The following CPSF3 variants were observed in gnomAD, a reference collection of about 807,000 sequenced individuals.
The protein encoded by CPSF3 is cleavage and polyadenylation specific factor 3.
Under a neutral mutation model 84.1 loss-of-function variants are expected in CPSF3, and 57 were observed. That is an observed-to-expected ratio of 0.68 (90% CI 0.55 to 0.85). The LOEUF is 0.85. CPSF3 is among the 40% of genes least tolerant of loss of function. The pLI, the probability that CPSF3 is intolerant of heterozygous loss-of-function variation, is 0.00. For synonymous variants in CPSF3, 275 were observed against 278.1 expected, an observed-to-expected ratio of 0.99 and a Z score of 0.11; for missense variants, 522 against 838.8, an observed-to-expected ratio of 0.62 and a Z score of 4.66.
At chr2:9,460,377 C>T (rs1436499441) in intron 15 of CPSF3, among the ~76,000 whole-genome samples, 2 of 151,868 alleles carry the variant, frequency 1.3e-5, no homozygotes, top group African/African-American at 2.4e-5. Flanking sequence ...TGCAGTGAGC[C>T]GAGATCACGC....
At chr2:9,470,942 G>A (rs923309283) in intron 16 of CPSF3, among the ~76,000 whole-genome samples, 4 of 152,182 alleles carry the variant, frequency 2.6e-5, no homozygotes, top group Non-Finnish European at 4.4e-5. Flanking sequence ...GGCTGGGCAT[G>A]GTGACTCCTG....
intron 7 of CPSF3, among the ~76,000 whole-genome samples, chr2:9,439,566 G>A (rs1195522986): frequency 6.6e-6 from 1 of 152,060 alleles, no homozygotes; most frequent in Non-Finnish European, 1.5e-5. Context: ...AATAAAGGGT[G>A]TCTTTCAGCC....
chr2:9,438,737 A>G (rs1680870066), intron 7 of CPSF3, among the ~76,000 whole-genome samples: 1 of 152,092 alleles, frequency 6.6e-6, no homozygotes, highest in African/African-American at 2.4e-5. Context: ...TTCTTATACT[A>G]AAAATCTTTT....
Position 9,443,656 on chromosome 2 carries a change from C to T in CPSF3, c.1237C>T (p.His413Tyr). 1.2e-6 allele frequency: 2 copies of T among 1,613,888 alleles called. No homozygotes were observed. Among genetic ancestry groups the T allele is most frequent in the Non-Finnish European group, 1.7e-6 (2 of 1,179,940 alleles). Residue 413 changes from histidine to tyrosine, a missense_variant, in exon 10 of 18, where the codon CAT becomes TAT. By Grantham distance (83) the His-to-Tyr change is moderately conservative. This residue lies in a region of CPSF3 where 329 missense variants were observed against 607.2 expected (regional missense o/e 0.54). Coordinates refer to ENST00000238112, the MANE Select transcript of CPSF3 (RefSeq NM_016207.4). ...ATTTATTCGTGCTTTGAAACCGCCTCATGTGGTTAGTCTATGAATTTCATT... is the reference window on the plus strand; with the variant it reads ...ATTTATTCGTGCTTTGAAACCGCCTTATGTGGTTAGTCTATGAATTTCATT... ...SEFIRALKPPHVILVHGEQNE... is the reference protein window; with the variant it reads ...SEFIRALKPPYVILVHGEQNE...
At chr2:9,457,641 G>T (rs139351673) in intron 14 of CPSF3, among the ~76,000 whole-genome samples, 1 of 152,126 alleles carries the variant, frequency 6.6e-6, no homozygotes, top group Non-Finnish European at 1.5e-5. Context: ...TTCAAAGTGA[G>T]TCCTATCATT....
intron 4 of CPSF3, among the ~76,000 whole-genome samples, chr2:9,431,520 A>AAT (rs141320649): frequency 0.42 from 44,934 of 106,508 alleles, 8,679 homozygotes; most frequent in African/African-American, 0.57. Flanking sequence ...AAGATAAATA[A>AAT]ATATACATAT....
chr2:9,433,826 A>C (rs1362136043), intron 5 of CPSF3, 45 bp from the exon 6 acceptor site: 41 of 1,337,210 alleles, frequency 3.1e-5, no homozygotes, highest in Non-Finnish European at 4.4e-5. Flanking sequence ...TAGCAAAATG[A>C]AGCCTTCCCC....
rs867194109 is a variant in CPSF3, at chr2:9,461,767, T to A, written c.1786+2149T>A. Among the ~76,000 whole-genome samples the A allele has an allele frequency of 9.4e-4, 89 of 94,766 alleles. 1 individual carries two copies. The highest frequency in any genetic ancestry group is 6.1e-3 in the Middle Eastern group (1 of 164). 62.2% of individuals were successfully genotyped at this position (94,766 alleles called of 152,430 possible). Reference sequence around the variant, plus strand: ...TCTTTTTTTTTTTTTTTTTTTTTTTTAAATTTATCTAGAGATGGAGTCTCT... The same window carrying A: ...TCTTTTTTTTTTTTTTTTTTTTTTTAAAATTTATCTAGAGATGGAGTCTCT... On this transcript the variant is annotated intron_variant, in intron 15 of 17. Transcript: ENST00000238112.
In CPSF3 at chr2:9,473,001, T is replaced by C; in HGVS notation, c.2039T>C (p.Leu680Pro). The C allele has an allele frequency of 6.2e-7, 1 of 1,613,184 alleles. No individual in the cohort carries two copies. Among genetic ancestry groups the C allele is most frequent in the Non-Finnish European group, 8.5e-7 (1 of 1,179,286 alleles). Residue 680 changes from leucine to proline, a missense_variant, in exon 18 of 18, where the codon CTG (leucine) becomes CCG (proline). Physicochemically the swap from Leu to Pro is moderately conservative, Grantham distance 98 (BLOSUM62 -3). This residue lies in a region of CPSF3 where 193 missense variants were observed against 231.6 expected (regional missense o/e 0.83). Coordinates refer to ENST00000238112, the MANE Select transcript of CPSF3 (RefSeq NM_016207.4). Reference sequence around the variant, plus strand: ...GCTGCACAGAGACTGTACGAGGCCCTGACGCCAGTTCACTGAGACTGTGCC... The same window carrying C: ...GCTGCACAGAGACTGTACGAGGCCCCGACGCCAGTTCACTGAGACTGTGCC... ...ELAAQRLYEA[L>P]TPVH is the part of the protein sequence containing the mutation.
chr2:9,436,000 T>C (rs1680765202), intron 6 of CPSF3, among the ~76,000 whole-genome samples: 1 of 152,254 alleles, frequency 6.6e-6, no homozygotes, highest in Non-Finnish European at 1.5e-5. Context: ...CCCAAAGTGC[T>C]GGGATTACAG....
chr2:9,450,006 T>C (rs1214545850), intron 11 of CPSF3, among the ~76,000 whole-genome samples: 1 of 152,110 alleles, frequency 6.6e-6, no homozygotes, highest in East Asian at 1.9e-4. Context: ...TGTTCTGTTT[T>C]TTTGTTTTGA....
At chr2:9,436,404 TC>T in intron 7 of CPSF3, 43 bp downstream of exon 7, 1 of 1,559,674 alleles carries the variant, frequency 6.4e-7, no homozygotes, top group Non-Finnish European at 8.7e-7. Flanking sequence ...CAAAATCTTG[TC>T]ATTTTATCAA....
At chr2:9,454,311 G>T (rs1167474868) in intron 12 of CPSF3, among the ~76,000 whole-genome samples, 1 of 152,034 alleles carries the variant, frequency 6.6e-6, no homozygotes, top group Non-Finnish European at 1.5e-5. Flanking sequence ...GGGAGGCTGT[G>T]GCAAGAGAGT....
Position 9,468,305 on chromosome 2 carries a change from C to T in CPSF3, c.1856+529C>T, listed in dbSNP as rs113029639. Among the ~76,000 whole-genome samples the T allele has an allele frequency of 8.2e-3, 1,246 of 152,236 alleles. 16 individuals carry two copies. The highest frequency in any genetic ancestry group is 0.029 in the African/African-American group (1,194 of 41,534). ...GGAATACAGTGGCATGATCTTGGCT[C>T]ATTGCAGCCTTGACTCCCAGGCTCG... is the stretch of plus-strand genomic sequence containing the variant. On this transcript the variant is annotated intron_variant, in intron 16 of 17. Transcript: ENST00000238112.
At chr2:9,450,422 T>C (rs1353629122) in intron 11 of CPSF3, among the ~76,000 whole-genome samples, 1 of 151,178 alleles carries the variant, frequency 6.6e-6, no homozygotes, top group African/African-American at 2.4e-5. Context: ...CCCAAAGTGC[T>C]GGGATTACAG....
intron 10 of CPSF3, 126 bp from the exon 11 acceptor site, chr2:9,448,072 T>G: frequency 1.9e-6 from 1 of 521,478 alleles, no homozygotes; most frequent in East Asian, 3.2e-5. Context: ...GTAGTAAAGT[T>G]TCATAACTTC....
intron 7 of CPSF3, among the ~76,000 whole-genome samples, chr2:9,439,325 T>C (rs1174735329): frequency 6.6e-6 from 1 of 152,036 alleles, no homozygotes; most frequent in Non-Finnish European, 1.5e-5. Flanking sequence ...TACAAAAAAT[T>C]AGCCAGGCAT....
At chr2:9,461,215 G>A (rs1008155255) in intron 15 of CPSF3, among the ~76,000 whole-genome samples, 1 of 152,158 alleles carries the variant, frequency 6.6e-6, no homozygotes, top group African/African-American at 2.4e-5. Flanking sequence ...CTCCTCCCAT[G>A]TGCATGTAAC....
chr2:9,453,045 A>C, intron 12 of CPSF3, 24 bp downstream of exon 12: 1 of 1,408,054 alleles, frequency 7.1e-7, no homozygotes. Flanking sequence ...TAAATGTCAA[A>C]TCCAACTTCA....
Sources: gnomAD v4.1 joint callset for allele counts (sites outside exome capture counted in the v4.1 genomes callset) on GRCh38, gnomAD v4.1.1 for gene constraint, gnomAD v4.1.1 regional missense constraint, MANE v1.5 for transcripts, NCBI Gene and HGNC (gene_info 2026-07-23, HGNC 2026-07-21) for gene names.